The following FHIT variants were observed in gnomAD, a reference collection of about 807,000 sequenced individuals.
FHIT encodes fragile histidine triad diadenosine triphosphatase.
In FHIT, 19 loss-of-function variants were observed where a neutral mutation model predicts 17.9. The ratio of observed to expected loss-of-function variants is 1.06; its 90% CI spans 0.74 to 1.56. The LOEUF is 1.56. FHIT is among the 40% of genes most tolerant of loss of function. The pLI is 0.00. For missense variants in FHIT, 248 were observed against 189.2 expected (o/e 1.31, Z -1.82); for synonymous variants, 81 against 69.7 (o/e 1.16, Z -0.81).
intron 7 of FHIT, among the ~76,000 whole-genome samples, chr3:59,976,562 G>C (rs543558691): frequency 1.1e-3 from 168 of 151,924 alleles, no homozygotes; most frequent in Non-Finnish European, 2.1e-3. Context: ...AAGAGAAAAA[G>C]AAAAAGGGGT....
chr3:60,473,639 C>A (rs1488605086), intron 5 of FHIT, among the ~76,000 whole-genome samples: 14 of 152,156 alleles, frequency 9.2e-5, no homozygotes. Flanking sequence ...TTAACCTCAG[C>A]TGGGCGCAGT....
intron 5 of FHIT, among the ~76,000 whole-genome samples, chr3:60,417,787 C>G (rs1702306211): frequency 6.6e-6 from 1 of 152,160 alleles, no homozygotes; most frequent in Non-Finnish European, 1.5e-5. Context: ...CACCTGTTAA[C>G]TGTGATTAAC....
chr3:61,046,694 G>A (rs749596230), intron 2 of FHIT, among the ~76,000 whole-genome samples: 1 of 152,128 alleles, frequency 6.6e-6, no homozygotes, highest in Non-Finnish European at 1.5e-5. Context: ...ACACAAAAAA[G>A]AGACTTTTAG....
intron 5 of FHIT, among the ~76,000 whole-genome samples, chr3:60,422,628 C>T (rs1458608190): frequency 6.6e-6 from 1 of 152,052 alleles, no homozygotes; most frequent in Admixed American, 6.6e-5. Flanking sequence ...AGCTGGCATG[C>T]CTTTCCCGAG....
At chr3:59,872,922 T>C (rs909613324) in intron 8 of FHIT, among the ~76,000 whole-genome samples, 2 of 152,120 alleles carry the variant, frequency 1.3e-5, no homozygotes, top group African/African-American at 4.8e-5. Context: ...AATTTTCCCA[T>C]GAAAAGAGAT....
At chr3:60,961,966 G>T (rs182352312) in intron 3 of FHIT, among the ~76,000 whole-genome samples, 1 of 152,102 alleles carries the variant, frequency 6.6e-6, no homozygotes, top group South Asian at 2.1e-4. Context: ...TTCTGTGAAG[G>T]AAGTCATTGG....
chr3:60,348,052 C>T (rs150175188), intron 5 of FHIT, among the ~76,000 whole-genome samples: 51 of 152,220 alleles, frequency 3.4e-4, no homozygotes, highest in African/African-American at 1.1e-3. Context: ...AGCCACCACA[C>T]CTGGCCTACC....
chr3:60,121,169 G>A (rs79663324), intron 5 of FHIT, among the ~76,000 whole-genome samples: 4,125 of 152,064 alleles, frequency 0.027, 198 homozygotes, highest in African/African-American at 0.095. Context: ...TGGTTCACTA[G>A]CCTCAGCAAT....
At chr3:61,070,443 G>C (rs1027707436) in intron 2 of FHIT, among the ~76,000 whole-genome samples, 2 of 152,106 alleles carry the variant, frequency 1.3e-5, no homozygotes, top group African/African-American at 4.8e-5. Context: ...CACTTGGCAT[G>C]GCAGTGAAAA....
intron 2 of FHIT, among the ~76,000 whole-genome samples, chr3:61,189,166 A>T (rs2038627771): frequency 1.3e-5 from 2 of 152,172 alleles, no homozygotes; most frequent in African/African-American, 2.4e-5. Context: ...GATGACATGA[A>T]TGTATATCTA....
chr3:60,282,236 T>C (rs1707494758), intron 5 of FHIT, among the ~76,000 whole-genome samples: 1 of 152,186 alleles, frequency 6.6e-6, no homozygotes, highest in Admixed American at 6.5e-5. Context: ...TTATTCATAA[T>C]AATCTGTCTT....
chr3:59,787,252 C>G (rs896013414), intron 8 of FHIT, among the ~76,000 whole-genome samples: 1 of 152,138 alleles, frequency 6.6e-6, no homozygotes, highest in Non-Finnish European at 1.5e-5. Context: ...GTCTGTATGA[C>G]TCTAAATCTT....
chr3:60,015,610 C>G (rs943521448), intron 5 of FHIT, among the ~76,000 whole-genome samples: 2 of 152,146 alleles, frequency 1.3e-5, no homozygotes, highest in African/African-American at 4.8e-5. Context: ...ATTCCTCCTC[C>G]CTGATTTGAA....
At chr3:61,241,618 T>A (rs1030010371) in intron 1 of FHIT, among the ~76,000 whole-genome samples, 2 of 152,160 alleles carry the variant, frequency 1.3e-5, no homozygotes, top group African/African-American at 4.8e-5. Context: ...TCTATGATGG[T>A]TTCTAACTCC....
At chr3:60,818,245 A>C (rs1231651253) in intron 4 of FHIT, among the ~76,000 whole-genome samples, 1 of 152,074 alleles carries the variant, frequency 6.6e-6, no homozygotes, top group Admixed American at 6.6e-5. Flanking sequence ...GTCTCAGATA[A>C]TTGCTTTTTG....
chr3:59,931,162 T>G (rs1184723199), intron 7 of FHIT, among the ~76,000 whole-genome samples: 4 of 152,218 alleles, frequency 2.6e-5, no homozygotes, highest in Non-Finnish European at 5.9e-5. Context: ...AGTGACTATA[T>G]TACAGGACAT....
chr3:60,705,953 A>C (rs782730034), intron 4 of FHIT, among the ~76,000 whole-genome samples: 1 of 152,334 alleles, frequency 6.6e-6, no homozygotes, highest in Non-Finnish European at 1.5e-5. Context: ...AGCCTTCTCA[A>C]AAATGTATTT....
intron 1 of FHIT, among the ~76,000 whole-genome samples, chr3:61,239,118 A>G (rs562810856): frequency 6.6e-6 from 1 of 152,168 alleles, no homozygotes; most frequent in Admixed American, 6.5e-5. Flanking sequence ...GGAAAAAAAA[A>G]GTCTAGAAGT....
In FHIT at chr3:60,156,014, T is replaced by G. The variant is rs112547288; in HGVS notation, c.104-141862A>C. On this transcript the variant is annotated intron_variant, in intron 5 of 9. Transcript: ENST00000492590. ...ATTTTAATTGTTGCTTAGTAACCATTGCAAGATTGGAACTGTTTCCTAGCT... is the reference window on the plus strand; with the variant it reads ...ATTTTAATTGTTGCTTAGTAACCATGGCAAGATTGGAACTGTTTCCTAGCT... Among the ~76,000 whole-genome samples the G allele has an allele frequency of 2.1e-3, 325 of 152,290 alleles. 2 individuals are homozygous for G. Among genetic ancestry groups the G allele is most frequent in the African/African-American group, 7.4e-3 (306 of 41,566 alleles).
Sources: allele counts gnomAD v4.1 joint callset (sites outside exome capture counted in the v4.1 genomes callset), GRCh38; gene constraint gnomAD v4.1.1; transcripts MANE v1.5; gene names NCBI Gene and HGNC (gene_info 2026-07-23, HGNC 2026-07-21).